The following NAA25 variants were observed in gnomAD, a reference collection of about 807,000 sequenced individuals.
The protein encoded by NAA25 is N-alpha-acetyltransferase 25, NatB auxiliary subunit.
In NAA25, 30 loss-of-function variants were observed where a neutral mutation model predicts 132.5. The ratio of observed to expected loss-of-function variants is 0.23; its 90% confidence interval spans 0.17 to 0.31. The LOEUF is 0.31. Ranked by LOEUF, NAA25 falls within the 10% of genes least tolerant of loss-of-function variation. The probability of loss-of-function intolerance (pLI) is 1.00; values close to 1 mark genes in which losing one functional copy is unlikely to be tolerated. For missense variants in NAA25, 771 were observed against 1,150.4 expected (o/e 0.67, Z 4.77); for synonymous variants, 359 against 401.9 (o/e 0.89, Z 1.28).
At chr12:112,073,261 T>G (rs200220198) in intron 9 of NAA25, among the ~76,000 whole-genome samples, 4 of 148,664 alleles carry the variant, frequency 2.7e-5, no homozygotes, top group Non-Finnish European at 6.0e-5. Context: ...AAAAATTAAA[T>G]ACACACACAC....
At chr12:112,057,272 C>T (rs1366803128) in intron 13 of NAA25, among the ~76,000 whole-genome samples, 1 of 151,962 alleles carries the variant, frequency 6.6e-6, no homozygotes, top group Non-Finnish European at 1.5e-5. Flanking sequence ...TTTCACATGC[C>T]TAATAATCAA....
intron 12 of NAA25, among the ~76,000 whole-genome samples, chr12:112,060,855 C>T (rs2078616971): frequency 1.3e-5 from 2 of 152,148 alleles, no homozygotes; most frequent in Non-Finnish European, 2.9e-5. Context: ...TTTTTGTTCA[C>T]TTACAGTCTA....
intron 10 of NAA25, 182 bp from the exon 11 acceptor site, chr12:112,069,174 T>G: frequency 3.7e-6 from 2 of 541,548 alleles, no homozygotes; most frequent in South Asian, 2.2e-5. Flanking sequence ...GTTCTACTCT[T>G]TCCCCCTTTT....
At chr12:112,030,427 T>C (rs1459504725) in intron 23 of NAA25, among the ~76,000 whole-genome samples, 1 of 152,150 alleles carries the variant, frequency 6.6e-6, no homozygotes, top group Non-Finnish European at 1.5e-5. Context: ...TCATAGCCAC[T>C]TTTAATAATG....
chr12:112,092,247 G>GAA (rs897574304), intron 2 of NAA25, among the ~76,000 whole-genome samples: 2 of 135,568 alleles, frequency 1.5e-5, no homozygotes, highest in African/African-American at 2.7e-5. Flanking sequence ...TCTCAAAAAA[G>GAA]AAAAAAAAAA....
chr12:112,075,447 T>C (rs1313059505), intron 8 of NAA25, among the ~76,000 whole-genome samples: 2 of 152,144 alleles, frequency 1.3e-5, no homozygotes, highest in East Asian at 3.9e-4. Flanking sequence ...CCTTGGCCTC[T>C]CAAAGTGCTG....
chr12:112,087,755 G>A lies in NAA25; in HGVS notation c.330C>T (p.Pro110=), dbSNP rs757321462. The change falls in exon 4 of 24, where the codon CCC becomes CCT. Residue 110 remains proline, a synonymous_variant. Coordinates refer to ENST00000261745, the MANE Select transcript of NAA25 (RefSeq NM_024953.4). ...KLYEAAVKKV[P]NSEEYHSHLF... ...GGTGAGAGTGATACTCCTCACTATTGGGAACTTTCTTCACAGCTGCCTCAT... is the reference window on the plus strand; with the variant it reads ...GGTGAGAGTGATACTCCTCACTATTAGGAACTTTCTTCACAGCTGCCTCAT... 2.5e-6 allele frequency: 4 copies of A among 1,614,068 alleles called. No homozygotes were observed. In the East Asian group the frequency reaches 8.9e-5, roughly 36 times the overall value.
At chr12:112,048,912 C>A (rs1312880826) in intron 15 of NAA25, among the ~76,000 whole-genome samples, 1 of 145,924 alleles carries the variant, frequency 6.9e-6, no homozygotes, top group Non-Finnish European at 1.5e-5. Context: ...CAGAAAAAGA[C>A]AGGCTGCTCC....
intron 11 of NAA25, among the ~76,000 whole-genome samples, 179 bp from the exon 12 acceptor site, chr12:112,061,567 A>C (rs2078630241): frequency 6.6e-6 from 1 of 152,240 alleles, no homozygotes; most frequent in South Asian, 2.1e-4. Context: ...TTGTGACAGC[A>C]CACAACACTG....
At chr12:112,092,382 T>A (rs967429248) in intron 2 of NAA25, among the ~76,000 whole-genome samples, 19 of 151,768 alleles carry the variant, frequency 1.3e-4, no homozygotes, top group African/African-American at 4.4e-4. Context: ...CCCAGCACTC[T>A]GGGAGGCTGA....
intron 22 of NAA25, among the ~76,000 whole-genome samples, chr12:112,036,762 C>T (rs1020742205): frequency 1.3e-5 from 2 of 151,298 alleles, no homozygotes; most frequent in East Asian, 3.9e-4. Context: ...GGAGGAGAAT[C>T]GCTTGAAACT....
chr12:112,096,201 GA>G (rs2079211282), intron 1 of NAA25, among the ~76,000 whole-genome samples: 1 of 152,196 alleles, frequency 6.6e-6, no homozygotes, highest in East Asian at 1.9e-4. Flanking sequence ...TTCTAGAGAA[GA>G]AAAATGAGAA....
In NAA25 at chr12:112,047,773, T is replaced by G. The variant is rs2078409673; in HGVS notation, c.1898A>C (p.Glu633Ala). ...CCTAAGGTTCATTGACTTTATACTT[T>G]CTGCTAAACTGGTTGATCTGTGATA... ...LEANISTSLA[E>A]SIKSMNLRPE... The change falls in exon 17 of 24, where the codon GAA becomes GCA. Residue 633 changes from glutamate to alanine, a missense_variant. Glu to Ala is a moderately radical substitution (Grantham distance 107). Coordinates refer to ENST00000261745, the MANE Select transcript of NAA25 (RefSeq NM_024953.4). 1 of 1,608,136 alleles carries G rather than the reference T, an allele frequency of 6.2e-7. No individual in the cohort carries two copies. The highest frequency in any genetic ancestry group is 8.5e-7 in the Non-Finnish European group (1 of 1,178,248).
At chr12:112,073,493 G>A (rs1246923910) in intron 9 of NAA25, among the ~76,000 whole-genome samples, 1 of 152,132 alleles carries the variant, frequency 6.6e-6, no homozygotes, top group Non-Finnish European at 1.5e-5. Flanking sequence ...CTGGAGTGCA[G>A]TGGCACGATC....
intron 1 of NAA25, among the ~76,000 whole-genome samples, chr12:112,107,579 A>T (rs1288389603): frequency 1.3e-5 from 2 of 152,114 alleles, no homozygotes; most frequent in African/African-American, 2.4e-5. Context: ...TAAAAAAAAA[A>T]ATCACACAAA....
At chr12:112,091,283 G>A (rs1257855872) in intron 2 of NAA25, among the ~76,000 whole-genome samples, 2 of 151,272 alleles carry the variant, frequency 1.3e-5, no homozygotes, top group Non-Finnish European at 2.9e-5. Flanking sequence ...CTGGCATGGT[G>A]CACTCATGCG....
intron 11 of NAA25, among the ~76,000 whole-genome samples, chr12:112,062,677 G>T (rs1193764791): frequency 1.3e-5 from 2 of 151,334 alleles, no homozygotes; most frequent in African/African-American, 4.9e-5. Flanking sequence ...AGTGAGCCGA[G>T]ATCGCACCAC....
intron 23 of NAA25, among the ~76,000 whole-genome samples, chr12:112,030,941 A>G (rs61941311): frequency 1.9e-5 from 2 of 102,890 alleles, no homozygotes; most frequent in Non-Finnish European, 3.6e-5. Context: ...AACTGAATTT[A>G]AAATTTTTTT....
In NAA25 at chr12:112,027,240, T is replaced by C. The variant is rs965695041; in HGVS notation, c.*2291A>G. ...AAACAGCAGCAGCAGCAATGGGTTA[T>C]TTGGGAATTCTCTTCAAATACCAAT... On this transcript the variant is annotated 3_prime_UTR_variant, in exon 24 of 24. Coordinates refer to ENST00000261745, the MANE Select transcript of NAA25 (RefSeq NM_024953.4). 25 of 152,468 alleles carry C rather than the reference T, an allele frequency of 1.6e-4. No homozygotes were observed. Among genetic ancestry groups the C allele is most frequent in the Non-Finnish European group, 1.3e-4 (9 of 68,026 alleles). The allele number at this position is 152,468 out of a possible 1,614,324, so 9.4% of individuals were successfully genotyped here.
Sources: gnomAD v4.1 joint callset for allele counts (sites outside exome capture counted in the v4.1 genomes callset) on GRCh38, gnomAD v4.1.1 for gene constraint, MANE v1.5 for transcripts, NCBI Gene and HGNC (gene_info 2026-07-23, HGNC 2026-07-21) for gene names.